The following WNK3 variants were observed in gnomAD, a reference collection of about 807,000 sequenced individuals.
WNK3 encodes the protein WNK lysine deficient protein kinase 3, also known as serine/threonine-protein kinase WNK3.
WNK3 carries 18 observed loss-of-function variants against 116.7 expected under a neutral mutation model. That is an observed-to-expected ratio of 0.15 (90% CI 0.11 to 0.23). The LOEUF (loss-of-function observed/expected upper bound fraction) is 0.23. WNK3 is among the 10% of genes least tolerant of loss of function. The pLI, the probability that WNK3 is intolerant of heterozygous loss-of-function variation, is 1.00. For missense variants in WNK3, 993 were observed against 1,323.8 expected (o/e 0.75, Z 3.88); for synonymous variants, 404 against 469.4 (o/e 0.86, Z 1.80).
chrX:54,208,375 C>T (rs782797526), intron 22 of WNK3, among the ~76,000 whole-genome samples: 3 of 110,426 alleles, frequency 2.7e-5, no homozygotes, highest in South Asian at 7.8e-4. Context: ...CCACCCGCCT[C>T]GGCCTCCCAA....
intron 22 of WNK3, among the ~76,000 whole-genome samples, chrX:54,212,807 T>C (rs1215933984): frequency 1.8e-5 from 2 of 111,511 alleles, no homozygotes; most frequent in African/African-American, 6.5e-5. Context: ...GGATTAGAGT[T>C]GGAGACATCA....
At chrX:54,218,184 C>A in intron 22 of WNK3, among the ~76,000 whole-genome samples, 1 of 111,278 alleles carries the variant, frequency 9.0e-6, no homozygotes, top group South Asian at 3.8e-4. Flanking sequence ...GGATGTGAAA[C>A]CTGCATATAT....
chrX:54,206,577 G>A (rs993925819), intron 22 of WNK3, among the ~76,000 whole-genome samples: 1 of 111,109 alleles, frequency 9.0e-6, no homozygotes, highest in African/African-American at 3.3e-5. Flanking sequence ...CCATCACTAC[G>A]TCATGAAATT....
chrX:54,253,844 A>T (rs3021284), intron 13 of WNK3, 115 bp downstream of exon 13: 58,250 of 525,226 alleles, frequency 0.11, 5,225 homozygotes, highest in African/African-American at 0.5. Flanking sequence ...TCTGTACAAA[A>T]TTTTAAAACT....
chrX:54,242,943 A>AT (rs781823698), intron 17 of WNK3, among the ~76,000 whole-genome samples: 2 of 111,375 alleles, frequency 1.8e-5, no homozygotes, highest in African/African-American at 6.5e-5. Context: ...AAAATATCTA[A>AT]TAAAGACTTA....
At chrX:54,277,798 A>G (rs1051947158) in intron 10 of WNK3, among the ~76,000 whole-genome samples, 14 of 111,801 alleles carry the variant, frequency 1.3e-4, no homozygotes, top group African/African-American at 3.2e-4. Context: ...CTGACATTAA[A>G]AACTACAATA....
exon 1 of WNK3, chrX:54,357,743 C>G (rs1180359647): frequency 8.9e-6 from 1 of 112,909 alleles, no homozygotes; most frequent in Admixed American, 9.3e-5. Context: ...CTCCCTCGCC[C>G]TCTCTCGAGC....
chrX:54,280,571 G>A (rs1456564141), intron 10 of WNK3, among the ~76,000 whole-genome samples: 2 of 111,982 alleles, frequency 1.8e-5, no homozygotes, highest in African/African-American at 3.2e-5. Flanking sequence ...ACAAGGAATT[G>A]TAAGGACTTG....
rs561879763 is a variant in WNK3, at chrX:54,257,471, C to T, written c.2103-1584G>A. Among the ~76,000 whole-genome samples, 8 of 111,052 alleles carry T rather than the reference C, an allele frequency of 7.2e-5. No homozygotes were observed. The South Asian group carries it at 3.1e-3, about 42-fold the overall frequency. ...CAAAAGCAGGCCAGAACCTATGCATCTAAACAAGGGCGACTGCTTGCTAAC... is the reference window on the plus strand; with the variant it reads ...CAAAAGCAGGCCAGAACCTATGCATTTAAACAAGGGCGACTGCTTGCTAAC... On this transcript the variant is annotated intron_variant, in intron 11 of 23. Transcript: ENST00000354646.
chrX:54,284,043 A>G (rs927406221), intron 10 of WNK3, among the ~76,000 whole-genome samples: 1 of 110,892 alleles, frequency 9.0e-6, no homozygotes, highest in African/African-American at 3.3e-5. Context: ...AAAAACTTTG[A>G]TGAATCAGAC....
intron 22 of WNK3, among the ~76,000 whole-genome samples, chrX:54,207,091 TAA>T (rs782714833): frequency 1.0e-5 from 1 of 97,179 alleles, no homozygotes; most frequent in Non-Finnish European, 2.1e-5. Flanking sequence ...AAATGCTGCT[TAA>T]AAAAAAAAAA....
intron 15 of WNK3, among the ~76,000 whole-genome samples, 153 bp downstream of exon 15, chrX:54,251,246 T>C (rs1328973746): frequency 8.9e-6 from 1 of 111,924 alleles, no homozygotes; most frequent in African/African-American, 3.2e-5. Context: ...GGATGGATTA[T>C]TACCTTTGGG....
intron 10 of WNK3, among the ~76,000 whole-genome samples, chrX:54,283,661 T>G (rs961946512): frequency 4.8e-5 from 5 of 104,141 alleles, no homozygotes; most frequent in Admixed American, 1.1e-4. Context: ...CCCAGCTACT[T>G]GGGAGGCTGA....
intron 21 of WNK3, among the ~76,000 whole-genome samples, chrX:54,231,470 G>A (rs1557148893): frequency 8.9e-6 from 1 of 111,987 alleles, no homozygotes; most frequent in Non-Finnish European, 1.9e-5. Flanking sequence ...CTATAGGAGA[G>A]ATGTGTTCCC....
chrX:54,227,963 T>C (rs2067860779), intron 22 of WNK3, among the ~76,000 whole-genome samples: 2 of 111,102 alleles, frequency 1.8e-5, no homozygotes, highest in Non-Finnish European at 3.8e-5. Flanking sequence ...TGAACACGGA[T>C]CACTGCAGCC....
chrX:54,251,331 G>A lies in WNK3; in HGVS notation c.2575+68C>T, dbSNP rs998887637. The stretch of plus-strand genomic sequence containing the variant: ...ATTGGCTAACATCTTTCCCAATGAA[G>A]GTGTGTTAAAAGTTTTCAAATGTCT... On this transcript the variant is annotated intron_variant, in intron 15 of 23. Transcript: ENST00000354646. 1.0e-5 allele frequency: 7 copies of A among 696,007 alleles called. No individual in the cohort carries two copies. The African/African-American group carries it at 1.3e-4, about 13-fold the overall frequency. The allele number at this position is 696,007 out of a possible 1,213,427, so 57.4% of individuals were successfully genotyped here. A position where few individuals can be genotyped will look rare whatever the true frequency, so the allele number is the denominator to read the frequency against.
intron 23 of WNK3, among the ~76,000 whole-genome samples, chrX:54,200,415 T>C (rs1557141380): frequency 9.0e-6 from 1 of 111,116 alleles, no homozygotes; most frequent in African/African-American, 3.3e-5. Context: ...ACAAAAGATA[T>C]AACCAACTGA....
chrX:54,238,453 T>C, exon 19 of WNK3: 1 of 1,206,948 alleles, frequency 8.3e-7, no homozygotes, highest in African/African-American at 1.7e-5. Context: ...CAATTGCTGA[T>C]CTCATCTCTT....
chrX:54,248,572 C>T lies in WNK3; in HGVS notation c.3651+125G>A, dbSNP rs2068095445. 5.2e-6 allele frequency: 3 copies of T among 575,413 alleles called. No homozygotes were observed. The South Asian group carries it at 1.1e-4, about 21-fold the overall frequency. 47.4% of individuals were successfully genotyped at this position (575,413 alleles called of 1,213,427 possible). On this transcript the variant is annotated intron_variant, in intron 17 of 23. Coordinates refer to ENST00000354646, the Ensembl canonical transcript of WNK3. ...GCCTAAGTCATAGCCTTCTTAAATACCTGTGACCTCAGCATCTTGTGACAT... is the reference window on the plus strand; with the variant it reads ...GCCTAAGTCATAGCCTTCTTAAATATCTGTGACCTCAGCATCTTGTGACAT...
Sources: allele counts gnomAD v4.1 joint callset (sites outside exome capture counted in the v4.1 genomes callset), GRCh38; gene constraint gnomAD v4.1.1; transcripts MANE v1.5; gene names NCBI Gene and HGNC (gene_info 2026-07-23, HGNC 2026-07-21).